Variants in ZNF256 observed in about 807,000 individuals in gnomAD.
ZNF256 encodes the protein bone marrow zinc finger 3.
In ZNF256, 4 loss-of-function variants were observed where a neutral mutation model predicts 7.9. The ratio of observed to expected loss-of-function variants is 0.50; its 90% CI spans 0.25 to 1.15. The LOEUF (loss-of-function observed/expected upper bound fraction) is 1.15. ZNF256 is among the 50% of genes most tolerant of loss of function. The probability of loss-of-function intolerance (pLI) is 0.15; values close to 1 mark genes in which losing one functional copy is unlikely to be tolerated. For missense variants in ZNF256, 666 were observed against 755.9 expected (o/e 0.88, Z 1.39); for synonymous variants, 260 against 260.4 (o/e 1.00, Z 0.02).
chr19:57,942,538 G>A lies in ZNF256; in HGVS notation c.270C>T (p.Asn90=), dbSNP rs749992017. Residue 90 remains asparagine (N), a synonymous_variant, in exon 3 of 3, where the codon AAC becomes AAT. Coordinates refer to ENST00000282308, the MANE Select transcript of ZNF256 (RefSeq NM_005773.3). ...AGACTGGGCCACATATCTCACAGGG[G>A]TTGGTCTTCTGGGGAGAAGGAAGGG... ...PKALPSPQKT[N]PCEICGPVLR... is the part of the protein sequence containing the mutation. 5.0e-6 allele frequency: 8 copies of A among 1,614,222 alleles called. No homozygotes were observed. In the South Asian group the frequency reaches 7.7e-5, roughly 16 times the overall value.
chr19:57,943,814 G>A (rs2072746478), intron 2 of ZNF256, 120 bp downstream of exon 2: 8 of 1,360,336 alleles, frequency 5.9e-6, no homozygotes, highest in South Asian at 1.4e-5. Context: ...ACCAACCGCA[G>A]CACCTGCCCA....
At position 57,941,895 on chromosome 19, in the gene ZNF256, T is replaced by C. The variant is rs2072731734; in HGVS notation, c.913A>G (p.Asn305Asp). 1 of 1,614,230 alleles carries C rather than the reference T, an allele frequency of 6.2e-7. No homozygotes were observed. Among genetic ancestry groups the C allele is most frequent in the East Asian group, 2.2e-5 (1 of 44,888 alleles). The change falls in exon 3 of 3, where the codon AAC becomes GAC. Residue 305 changes from asparagine to aspartate, a missense_variant. Transcript: ENST00000282308. ...HQCDECGKLFNRKYDLLIHQR... is the reference protein window; with the variant it reads ...HQCDECGKLFDRKYDLLIHQR... ...TGTATAAGAAGGTCATACTTCCTGT[T>C]AAATAATTTTCCACATTCATCACAT...
At position 57,941,276 on chromosome 19, in the gene ZNF256, C is replaced by A. The variant is rs748322554; in HGVS notation, c.1532G>T (p.Arg511Ile). The A allele has an allele frequency of 2.0e-5, 33 of 1,614,190 alleles. No homozygotes were observed. Among genetic ancestry groups the A allele is most frequent in the Non-Finnish European group, 2.8e-5 (33 of 1,180,042 alleles). ...THSSTLLQHQ[R>I]VHTGERPYEC... ...ATAAGGCCTTTCTCCAGTGTGAACT[C>A]TCTGGTGTTGAAGGAGCGTAGAGCT... The change falls in exon 3 of 3, where the codon AGA becomes ATA. Residue 511 changes from arginine (R) to isoleucine (I), a missense_variant. Arg to Ile is a moderately conservative substitution (Grantham distance 97). Coordinates refer to ENST00000282308, the MANE Select transcript of ZNF256 (RefSeq NM_005773.3).
chr19:57,941,345 G>C lies in ZNF256; in HGVS notation c.1463C>G (p.Ala488Gly). The stretch of plus-strand genomic sequence containing the variant: ...ACACTCCCCACATTCATAAGGCCTT[G>C]CTCCAGTATGAACTTTCCAGTGTGA... ...LISHWKVHTG[A>G]RPYECGECGK... Residue 488 changes from alanine (A) to glycine (G), a missense_variant, in exon 3 of 3, where the codon GCA (alanine) becomes GGA (glycine). Physicochemically the swap from Ala to Gly is moderately conservative, Grantham distance 60. Coordinates refer to ENST00000282308, the MANE Select transcript of ZNF256 (RefSeq NM_005773.3). The C allele has an allele frequency of 6.2e-7, 1 of 1,613,346 alleles. No homozygotes were observed. The highest frequency in any genetic ancestry group is 1.1e-5 in the South Asian group (1 of 91,042).
Position 57,943,972 on chromosome 19 carries a change from T to G in ZNF256, c.122A>C (p.Asp41Ala). 1 of 1,614,088 alleles carries G rather than the reference T, an allele frequency of 6.2e-7. No individual in the cohort carries two copies. Among genetic ancestry groups the G allele is most frequent in the Non-Finnish European group, 8.5e-7 (1 of 1,179,994 alleles). ...LDEAQKCLYH[D>A]VMLENLTLTT... ...AAGTGTCAAGTTCTCCAGCATCACA[T>G]CGTGGTACAGGCATTTCTGAGCCTC... Residue 41 changes from aspartate (D) to alanine (A), a missense_variant, in exon 2 of 3, where the codon GAT becomes GCT. Coordinates refer to ENST00000282308, the MANE Select transcript of ZNF256 (RefSeq NM_005773.3).
In ZNF256 at chr19:57,941,208, G is replaced by T; in HGVS notation, c.1600C>A (p.Leu534Ile). The T allele has an allele frequency of 1.9e-6, 3 of 1,613,874 alleles. No homozygotes were observed. The highest frequency in any genetic ancestry group is 1.7e-6 in the Non-Finnish European group (2 of 1,179,788). The part of the protein sequence containing the change: ...CGKFFSQSSS[L>I]IRHRRSHTGE... Reference sequence around the variant, plus strand: ...GTGTGACTTCTCCTATGTCTAATGAGGCTGGAGCTCTGGCTAAAAAACTTC... The same window carrying T: ...GTGTGACTTCTCCTATGTCTAATGATGCTGGAGCTCTGGCTAAAAAACTTC... Residue 534 changes from leucine to isoleucine, a missense_variant, in exon 3 of 3, where the codon CTC becomes ATC. Coordinates refer to ENST00000282308, the MANE Select transcript of ZNF256 (RefSeq NM_005773.3).
Position 57,941,898 on chromosome 19 carries a change from ATAATT to A in ZNF256, c.905_909del (p.Lys302IlefsTer2). ...ATAAGAAGGTCATACTTCCTGTTAA[ATAATT>A]TTCCACATTCATCACATTGATGAGG... On this transcript the variant is annotated frameshift_variant, in exon 3 of 3. Coordinates refer to ENST00000282308, the MANE Select transcript of ZNF256 (RefSeq NM_005773.3). LOFTEE classifies it low-confidence loss of function (END_TRUNC). 1 of 1,614,222 alleles carries A rather than the reference ATAATT, an allele frequency of 6.2e-7. No individual in the cohort carries two copies. Among genetic ancestry groups the A allele is most frequent in the Non-Finnish European group, 8.5e-7 (1 of 1,180,046 alleles).
chr19:57,945,543 G>A (rs1363574763), intron 1 of ZNF256, among the ~76,000 whole-genome samples: 1 of 152,184 alleles, frequency 6.6e-6, no homozygotes, highest in Non-Finnish European at 1.5e-5. Context: ...ATCTAAGGCT[G>A]TATCGTTTTC....
rs1237934432 is a variant in ZNF256 at position 57,941,495 on chromosome 19, T to G, written c.1313A>C (p.His438Pro). ...CCTGCTAAATAATTTTCCACATTCA[T>G]GACATTCATGAGATCTTACTCCAGT... is the stretch of plus-strand genomic sequence containing the variant. ...VHTGVRSHEC[H>P]ECGKLFSRKF... is the part of the protein sequence containing the mutation. The change falls in exon 3 of 3, where the codon CAT (histidine) becomes CCT (proline). Residue 438 changes from histidine (H) to proline (P), a missense_variant. By Grantham distance (77) the His-to-Pro change is moderately conservative. Coordinates refer to ENST00000282308, the MANE Select transcript of ZNF256 (RefSeq NM_005773.3). 6.2e-7 allele frequency: 1 copy of G among 1,613,918 alleles called. No homozygotes were observed. The highest frequency in any genetic ancestry group is 8.5e-7 in the Non-Finnish European group (1 of 1,180,018).
At position 57,941,080 on chromosome 19, in the gene ZNF256, T is replaced by G; in HGVS notation, c.1728A>C (p.Glu576Asp). The change falls in exon 3 of 3, where the codon GAA (glutamate) becomes GAC (aspartate). Residue 576 changes from glutamate to aspartate, a missense_variant. By Grantham distance (45) the Glu-to-Asp change is conservative (BLOSUM62 2). Coordinates refer to ENST00000282308, the MANE Select transcript of ZNF256 (RefSeq NM_005773.3). ...RRVHTGERPYECSECGKSFSQ... is the reference protein window; with the variant it reads ...RRVHTGERPYDCSECGKSFSQ... ...TAAAGGATTTTCCACATTCACTGCA[T>G]TCATAAGGCCTTTCTCCGGTATGAA... The G allele has an allele frequency of 6.2e-7, 1 of 1,613,720 alleles. No homozygotes were observed.
In ZNF256 at chr19:57,941,098, G is replaced by T; in HGVS notation, c.1710C>A (p.Thr570=). 6.2e-7 allele frequency: 1 copy of T among 1,613,198 alleles called. No individual in the cohort carries two copies. Among genetic ancestry groups the T allele is most frequent in the Non-Finnish European group, 8.5e-7 (1 of 1,179,756 alleles). The stretch of plus-strand genomic sequence containing the variant: ...CACTGCATTCATAAGGCCTTTCTCC[G>T]GTATGAACTCTTCGGTGTTTAACGA... ...SSLVKHRRVH[T]GERPYECSEC... is the part of the protein sequence containing the mutation. The change falls in exon 3 of 3, where the codon ACC becomes ACA. Residue 570 remains threonine, a synonymous_variant. Transcript: ENST00000282308.
rs191741844 is a variant in ZNF256 at position 57,941,244 on chromosome 19, T to C, written c.1564A>G (p.Asn522Asp). The change falls in exon 3 of 3, where the codon AAT becomes GAT. Residue 522 changes from asparagine to aspartate, a missense_variant. Coordinates refer to ENST00000282308, the MANE Select transcript of ZNF256 (RefSeq NM_005773.3). The part of the protein sequence containing the change: ...VHTGERPYEC[N>D]ECGKFFSQSS... ...TGGCTAAAAAACTTCCCACATTCAT[T>C]GCACTCATAAGGCCTTTCTCCAGTG... 5 of 1,614,164 alleles carry C rather than the reference T, an allele frequency of 3.1e-6. No individual in the cohort carries two copies. The East Asian group carries it at 1.1e-4, about 36-fold the overall frequency.
intron 1 of ZNF256, among the ~76,000 whole-genome samples, chr19:57,945,311 G>A: frequency 6.6e-6 from 1 of 152,218 alleles, no homozygotes; most frequent in South Asian, 2.1e-4. Flanking sequence ...GCTGTAGAAT[G>A]TAAGTTTTGT....
At position 57,944,024 on chromosome 19, in the gene ZNF256, A is replaced by T. The variant is rs763554344; in HGVS notation, c.70T>A (p.Ser24Thr). Residue 24 changes from serine to threonine, a missense_variant, in exon 2 of 3, where the codon TCC becomes ACC. Transcript: ENST00000282308. ...TCAAGAAGACCCCACTCCTTCCAGG[A>T]GAAGTAAACAGCCACGTCCTCAAAG... ...VTFEDVAVYF[S>T]WKEWGLLDEA... 1 of 1,614,054 alleles carries T rather than the reference A, an allele frequency of 6.2e-7. No homozygotes were observed. The highest frequency in any genetic ancestry group is 8.5e-7 in the Non-Finnish European group (1 of 1,179,954).
At position 57,941,073 on chromosome 19, in the gene ZNF256, C is replaced by T; in HGVS notation, c.1735G>A (p.Glu579Lys). Residue 579 changes from glutamate to lysine, a missense_variant, in exon 3 of 3, where the codon GAA becomes AAA. Transcript: ENST00000282308. ...CTCTGGCTAAAGGATTTTCCACATTCACTGCATTCATAAGGCCTTTCTCCG... is the reference window on the plus strand; with the variant it reads ...CTCTGGCTAAAGGATTTTCCACATTTACTGCATTCATAAGGCCTTTCTCCG... ...HTGERPYECS[E>K]CGKSFSQSSN... 1.2e-6 allele frequency: 2 copies of T among 1,614,190 alleles called. No homozygotes were observed.
At chr19:57,944,269 C>A (rs1427753529) in intron 1 of ZNF256, among the ~76,000 whole-genome samples, 1 of 152,180 alleles carries the variant, frequency 6.6e-6, no homozygotes, top group East Asian at 1.9e-4. Flanking sequence ...GGCAGGTGAA[C>A]AAATACATGT....
intron 1 of ZNF256, among the ~76,000 whole-genome samples, chr19:57,945,398 G>T (rs1197733116): frequency 2.0e-5 from 3 of 152,064 alleles, no homozygotes; most frequent in Admixed American, 6.6e-5. Flanking sequence ...AAATTGATAG[G>T]GAACTGAAAC....
chr19:57,944,183 A>C (rs1264017464), intron 1 of ZNF256, 123 bp from the exon 2 acceptor site: 1 of 1,410,300 alleles, frequency 7.1e-7, no homozygotes, highest in African/African-American at 1.4e-5. Context: ...CCCAGCTCAG[A>C]GGAGAAAGCA....
intron 2 of ZNF256, 110 bp downstream of exon 2, chr19:57,943,823 CA>C (rs1348535099): frequency 6.9e-7 from 1 of 1,441,168 alleles, no homozygotes; most frequent in Non-Finnish European, 9.4e-7. Context: ...AGCACCTGCC[CA>C]GGAACAGGAA....
Sources: gnomAD v4.1 joint callset for allele counts (sites outside exome capture counted in the v4.1 genomes callset) on GRCh38, gnomAD v4.1.1 for gene constraint, MANE v1.5 for transcripts, NCBI Gene and HGNC (gene_info 2026-07-23, HGNC 2026-07-21) for gene names.